The following RYR1 variants were observed in gnomAD, a reference collection of about 807,000 sequenced individuals.
The protein encoded by RYR1 is ryanodine receptor 1.
In RYR1, 342 loss-of-function variants were observed where a neutral mutation model predicts 583.5. The ratio of observed to expected loss-of-function variants is 0.59; its 90% CI spans 0.54 to 0.64. The LOEUF is 0.64. Among genes scored for constraint, RYR1 ranks in the 30% least tolerant of loss-of-function variants. The pLI is 0.00. For synonymous variants in RYR1, 2,791 were observed against 2,822.5 expected (o/e 0.99, Z 0.35); for missense variants, 6,032 against 6,917.2 (o/e 0.87, Z 4.54).
At chr19:38,539,101 C>CTTTAATCTTCAT (rs1448260043) in intron 84 of RYR1, among the ~76,000 whole-genome samples, 5 of 152,230 alleles carry the variant, frequency 3.3e-5, no homozygotes, top group African/African-American at 1.2e-4. Flanking sequence ...TTGTAAATAT[C>CTTTAATCTTCAT]TTTAATCTTC....
At chr19:38,458,353 T>G (rs1600685467) in intron 18 of RYR1, 61 bp downstream of exon 18, 2 of 1,551,642 alleles carry the variant, frequency 1.3e-6, no homozygotes, top group East Asian at 4.5e-5. Context: ...TTTCTAAGTC[T>G]CTGACCATAC....
intron 58 of RYR1, among the ~76,000 whole-genome samples, chr19:38,509,499 T>C (rs2145650871): frequency 6.7e-6 from 1 of 148,936 alleles, no homozygotes; most frequent in Non-Finnish European, 1.5e-5. Context: ...GTCACCCAGG[T>C]TGGACTGCAG....
rs757437865 is a variant in RYR1 at position 38,459,228 on chromosome 19, C to T, written c.2250C>T (p.Ser750=). Residue 750 remains serine, a synonymous_variant, in exon 19 of 106, where the codon AGC becomes AGT. Coordinates refer to ENST00000359596, the MANE Select transcript of RYR1 (RefSeq NM_000540.3). ...EDVISCCLDL[S]VPSISFRING... is the part of the protein sequence containing the mutation. ...TGATCAGCTGCTGCCTGGACCTCAG[C>T]GTGCCGTCCATCTCCTTCCGCATCA... The T allele has an allele frequency of 8.7e-6, 14 of 1,613,988 alleles. No homozygotes were observed. The highest frequency in any genetic ancestry group is 4.0e-5 in the African/African-American group (3 of 74,916).
At position 38,543,450 on chromosome 19, in the gene RYR1, C is replaced by T. The variant is rs1324975929; in HGVS notation, c.11778+15C>T. On this transcript the variant is annotated intron_variant, in intron 85 of 105. Transcript: ENST00000359596. The surrounding 1 kb of genome is among the most constrained non-coding windows in gnomAD (Gnocchi z 4.4). Reference sequence around the variant, plus strand: ...TGCGGCTGCAGGTGAGGACGTGAGACGGTTCAGGTGTGACTTGGGTCGGGG... The same window carrying T: ...TGCGGCTGCAGGTGAGGACGTGAGATGGTTCAGGTGTGACTTGGGTCGGGG... 1.4e-5 allele frequency: 22 copies of T among 1,614,098 alleles called. No homozygotes were observed. The highest frequency in any genetic ancestry group is 1.7e-5 in the Non-Finnish European group (20 of 1,180,040).
chr19:38,524,838 T>C (rs191995813), intron 70 of RYR1, among the ~76,000 whole-genome samples: 1 of 152,208 alleles, frequency 6.6e-6, no homozygotes, highest in East Asian at 1.9e-4. Context: ...TGTGGGGTTG[T>C]GCATGCTGTG....
At position 38,446,766 on chromosome 19, in the gene RYR1, C is replaced by T. The variant is rs764527957; in HGVS notation, c.798C>T (p.Ile266=). 3.7e-6 allele frequency: 6 copies of T among 1,613,152 alleles called. No homozygotes were observed. The highest frequency in any genetic ancestry group is 4.2e-6 in the Non-Finnish European group (5 of 1,179,654). The change falls in exon 9 of 106, where the codon ATC becomes ATT. Residue 266 remains isoleucine, a splice_region_variant and synonymous_variant. Transcript: ENST00000359596. ...TCTGGAGGCTGGAGCCACTGAGAATCAGGTAGGGCGGGGAAGATGGGGAGA... is the reference window on the plus strand; with the variant it reads ...TCTGGAGGCTGGAGCCACTGAGAATTAGGTAGGGCGGGGAAGATGGGGAGA... The part of the protein sequence containing the change: ...RSLWRLEPLR[I]SWSGSHLRWG...
In RYR1 at chr19:38,517,578, C is replaced by G. The variant is rs777896104; in HGVS notation, c.9905C>G (p.Pro3302Arg). 1.1e-5 allele frequency: 17 copies of G among 1,613,874 alleles called. No homozygotes were observed. In the East Asian group the frequency reaches 1.6e-4, roughly 15 times the overall value. The stretch of plus-strand genomic sequence containing the variant: ...TCCGCCCTGCCCGCCGGCGCCCCCC[C>G]ACCCTGCACAGCTGTCACCTCTGAC... ...PPSALPAGAP[P>R]PCTAVTSDHL... Residue 3302 changes from proline (P) to arginine (R), a missense_variant, in exon 66 of 106, where the codon CCA (proline) becomes CGA (arginine). By Grantham distance (103) the Pro-to-Arg change is moderately radical (BLOSUM62 -2). Coordinates refer to ENST00000359596, the MANE Select transcript of RYR1 (RefSeq NM_000540.3).
chr19:38,456,044 TC>T (rs1448335622), intron 16 of RYR1, among the ~76,000 whole-genome samples: 4 of 147,134 alleles, frequency 2.7e-5, no homozygotes, highest in Non-Finnish European at 5.9e-5. Context: ...CTATCTTGGC[TC>T]ACTGCAACCT....
In RYR1 at chr19:38,561,334, C is replaced by T. The variant is rs768643813; in HGVS notation, c.12504C>T (p.Ser4168=). 13 of 1,614,002 alleles carry T rather than the reference C, an allele frequency of 8.1e-6. No homozygotes were observed. The highest frequency in any genetic ancestry group is 1.0e-5 in the Non-Finnish European group (12 of 1,180,040). ...RLHNFLELAE[S]ILEYFRPYLG... ...ACAACTTCCTGGAGCTGGCCGAGAG[C>T]ATCCTTGAGTACTTCCGCCCCTACC... Residue 4168 remains serine, a synonymous_variant, in exon 90 of 106, where the codon AGC becomes AGT. Coordinates refer to ENST00000359596, the MANE Select transcript of RYR1 (RefSeq NM_000540.3). The surrounding 1 kb of genome is among the most constrained non-coding windows in gnomAD (Gnocchi z 4.8).
In RYR1 at chr19:38,557,615, A is replaced by G. The variant is rs909028665; in HGVS notation, c.12283-3498A>G. Reference sequence around the variant, plus strand: ...AGGGACAGAGAGCAGCCTGGGCAACATGGCGAAACCAAACCCTGTCCCTAC... The same window carrying G: ...AGGGACAGAGAGCAGCCTGGGCAACGTGGCGAAACCAAACCCTGTCCCTAC... On this transcript the variant is annotated intron_variant, in intron 89 of 105. Transcript: ENST00000359596. Among the ~76,000 whole-genome samples, 23 of 152,342 alleles carry G rather than the reference A, an allele frequency of 1.5e-4. 1 individual carries two copies. The highest frequency in any genetic ancestry group is 1.2e-3 in the Admixed American group (19 of 15,300).
chr19:38,453,122 G>A (rs1967175670), intron 13 of RYR1, 108 bp downstream of exon 13: 5 of 1,199,000 alleles, frequency 4.2e-6, no homozygotes, highest in Non-Finnish European at 5.9e-6. Context: ...ACCTGGGGAA[G>A]TAGGGTCTGA....
chr19:38,534,383 A>G (rs1206093329), intron 78 of RYR1, among the ~76,000 whole-genome samples: 2 of 152,186 alleles, frequency 1.3e-5, no homozygotes, highest in South Asian at 4.1e-4. Context: ...CTTCATCCAT[A>G]TAGGAAGGAA....
Position 38,536,752 on chromosome 19 carries a change from A to G in RYR1, c.11593A>G (p.Ile3865Val), listed in dbSNP as rs1480243844. 7 of 1,613,252 alleles carry G rather than the reference A, an allele frequency of 4.3e-6. No individual in the cohort carries two copies. Among genetic ancestry groups the G allele is most frequent in the Non-Finnish European group, 5.9e-6 (7 of 1,179,834 alleles). Residue 3865 changes from isoleucine to valine, a missense_variant and splice_region_variant, in exon 83 of 106, where the codon ATC becomes GTC. Ile to Val is a conservative substitution (Grantham distance 29). Around this residue, in one of 11 missense-constraint regions of RYR1, gnomAD observed 1,493 missense variants for 1,715.5 expected, o/e 0.87. Coordinates refer to ENST00000359596, the MANE Select transcript of RYR1 (RefSeq NM_000540.3). ...LGMVNEDGTV[I>V]NRQNGEKVMA... ...TCCCATCCTGTTGGCTGCCCCAGTC[A>G]TCAATCGCCAGAACGGTAATTCCCC...
chr19:38,446,132 A>G (rs1046142464), intron 7 of RYR1, among the ~76,000 whole-genome samples: 5 of 152,060 alleles, frequency 3.3e-5, no homozygotes, highest in African/African-American at 7.2e-5. Flanking sequence ...ACCAGTGAAC[A>G]TTAGACCTCC....
At chr19:38,522,367 C>G (rs1022661146) in intron 67 of RYR1, among the ~76,000 whole-genome samples, 4 of 151,972 alleles carry the variant, frequency 2.6e-5, no homozygotes, top group Admixed American at 1.3e-4. Flanking sequence ...TTTGAGAGGT[C>G]AGGGAAAGAG....
At chr19:38,566,571 C>T (rs1973448240) in intron 91 of RYR1, among the ~76,000 whole-genome samples, 1 of 149,910 alleles carries the variant, frequency 6.7e-6, no homozygotes, top group Non-Finnish European at 1.5e-5. Context: ...GAATGAAGTA[C>T]ACCGTGGAGG....
At chr19:38,473,204 A>C (rs918865018) in intron 27 of RYR1, among the ~76,000 whole-genome samples, 173 bp from the exon 28 acceptor site, 2 of 152,104 alleles carry the variant, frequency 1.3e-5, no homozygotes, top group African/African-American at 4.8e-5. Flanking sequence ...CCCAGGGCCC[A>C]GCGGTGTACC....
intron 87 of RYR1, 147 bp from the exon 88 acceptor site, chr19:38,546,298 G>A (rs1381166817): frequency 8.7e-6 from 6 of 691,906 alleles, no homozygotes; most frequent in South Asian, 1.5e-5. Flanking sequence ...CCCTGCTTCC[G>A]AGGAACATGT....
At chr19:38,450,668 A>AG (rs1967025729) in intron 11 of RYR1, among the ~76,000 whole-genome samples, 1 of 152,100 alleles carries the variant, frequency 6.6e-6, no homozygotes, top group African/African-American at 2.4e-5. Context: ...CCATTTGCAT[A>AG]GGGCACAAAT....
Sources: allele counts gnomAD v4.1 joint callset (sites outside exome capture counted in the v4.1 genomes callset), GRCh38; gene constraint gnomAD v4.1.1; regional missense constraint gnomAD v4.1.1; non-coding constraint Gnocchi (gnomAD v3.1); transcripts MANE v1.5; gene names NCBI Gene and HGNC (gene_info 2026-07-23, HGNC 2026-07-21).